The following ACAP2 variants were observed in gnomAD, a reference collection of about 807,000 sequenced individuals.
The protein encoded by ACAP2 is ArfGAP with coiled-coil, ankyrin repeat and PH domains 2, also known as arf-GAP with coiled-coil, ANK repeat and PH domain-containing protein 2.
A neutral mutation model predicts 115.8 loss-of-function variants in ACAP2; 39 were observed. The ratio of observed to expected loss-of-function variants is 0.34; its 90% CI spans 0.26 to 0.44. The LOEUF is 0.44. Among genes scored for constraint, ACAP2 ranks in the 20% least tolerant of loss-of-function variants. The pLI is 1.00. For missense variants in ACAP2, 662 were observed against 927.6 expected, an observed-to-expected ratio of 0.71 and a Z score of 3.72; for synonymous variants, 289 against 315.8, an observed-to-expected ratio of 0.92 and a Z score of 0.90.
At chr3:195,388,518 C>T (rs749366015) in intron 2 of ACAP2, among the ~76,000 whole-genome samples, 1 of 152,188 alleles carries the variant, frequency 6.6e-6, no homozygotes, top group Non-Finnish European at 1.5e-5. Context: ...CTAGTTTAAC[C>T]TGTCCCTGGC....
At chr3:195,323,111 A>T (rs1729555418) in intron 9 of ACAP2, among the ~76,000 whole-genome samples, 1 of 152,204 alleles carries the variant, frequency 6.6e-6, no homozygotes, top group Admixed American at 6.5e-5. Flanking sequence ...CAGGGAACAG[A>T]ATGCAAAACC....
At chr3:195,413,664 G>A (rs1259341118) in intron 1 of ACAP2, among the ~76,000 whole-genome samples, 3 of 152,074 alleles carry the variant, frequency 2.0e-5, no homozygotes, top group African/African-American at 2.4e-5. Context: ...ACGGAGAATC[G>A]CTTGAACCCA....
At chr3:195,431,144 C>T (rs1715083745) in intron 1 of ACAP2, among the ~76,000 whole-genome samples, 1 of 152,130 alleles carries the variant, frequency 6.6e-6, no homozygotes, top group African/African-American at 2.4e-5. Context: ...TAATATATGG[C>T]TTTTGTGTTT....
intron 4 of ACAP2, among the ~76,000 whole-genome samples, chr3:195,365,623 G>T (rs574100660): frequency 6.6e-6 from 1 of 151,656 alleles, no homozygotes; most frequent in African/African-American, 2.4e-5. Flanking sequence ...CTCTTCTGAT[G>T]ATTCTCCATG....
chr3:195,291,240 CAAT>C (rs1727236583), intron 20 of ACAP2, among the ~76,000 whole-genome samples: 1 of 152,150 alleles, frequency 6.6e-6, no homozygotes, highest in Non-Finnish European at 1.5e-5. Flanking sequence ...CCAGAAGACA[CAAT>C]GTCAACAACC....
chr3:195,426,628 G>T (rs931406623), intron 1 of ACAP2, among the ~76,000 whole-genome samples: 5 of 152,046 alleles, frequency 3.3e-5, no homozygotes, highest in African/African-American at 7.2e-5. Context: ...TTCCTGGCTA[G>T]TTCTACTCTT....
At chr3:195,419,103 T>C (rs1392371528) in intron 1 of ACAP2, among the ~76,000 whole-genome samples, 1 of 152,088 alleles carries the variant, frequency 6.6e-6, no homozygotes, top group East Asian at 1.9e-4. Context: ...TCAAATACCA[T>C]ACCCATTTGA....
At chr3:195,302,936 G>A (rs188438307) in intron 13 of ACAP2, among the ~76,000 whole-genome samples, 2 of 152,086 alleles carry the variant, frequency 1.3e-5, no homozygotes, top group Non-Finnish European at 2.9e-5. Flanking sequence ...GAATATGTCT[G>A]GGCACAATGG....
chr3:195,299,392 A>C (rs1727872173), intron 15 of ACAP2, among the ~76,000 whole-genome samples: 1 of 147,906 alleles, frequency 6.8e-6, no homozygotes. Flanking sequence ...CAACATGGCA[A>C]TACCCCGTCT....
chr3:195,304,509 C>T (rs1728295083), intron 13 of ACAP2, among the ~76,000 whole-genome samples: 1 of 152,146 alleles, frequency 6.6e-6, no homozygotes, highest in Admixed American at 6.5e-5. Flanking sequence ...ATCCTACTGT[C>T]GCTGCCCCCC....
chr3:195,278,979 T>C lies in ACAP2; in HGVS notation c.*349A>G, dbSNP rs1384975640. On this transcript the variant is annotated 3_prime_UTR_variant, in exon 23 of 23. Coordinates refer to ENST00000326793, the MANE Select transcript of ACAP2 (RefSeq NM_012287.6). ...CTTGACTGAGTGATCCTGGGCAAGA[T>C]GCATGGAGGAAAAAAATCAATGCCA... 4.6e-5 allele frequency: 8 copies of C among 173,602 alleles called. No homozygotes were observed. Among genetic ancestry groups the C allele is most frequent in the Non-Finnish European group, 9.7e-5 (8 of 82,262 alleles). 10.8% of individuals were successfully genotyped at this position (173,602 alleles called of 1,614,324 possible). A position where few individuals can be genotyped will look rare whatever the true frequency, so the allele number is the denominator to read the frequency against.
rs763769015 is a variant in ACAP2 at position 195,392,162 on chromosome 3, TATAAA to T, written c.54-20_54-16del. The T allele has an allele frequency of 1.2e-5, 20 of 1,600,352 alleles. No homozygotes were observed. Among genetic ancestry groups the T allele is most frequent in the South Asian group, 3.3e-5 (3 of 89,936 alleles). ...CCAAAGCTGCCCTAGAAAAATTAAA[TATAAA>T]ATAAGTTATTTCGTTTGTTTAAATG... On this transcript the variant is annotated splice_polypyrimidine_tract_variant and intron_variant, in intron 1 of 22. Coordinates refer to ENST00000326793, the MANE Select transcript of ACAP2 (RefSeq NM_012287.6).
At chr3:195,353,188 C>G (rs1480369225) in intron 4 of ACAP2, among the ~76,000 whole-genome samples, 1 of 152,096 alleles carries the variant, frequency 6.6e-6, no homozygotes, top group Non-Finnish European at 1.5e-5. Flanking sequence ...ACTCAAGCAT[C>G]CCTGCAAAGA....
intron 4 of ACAP2, among the ~76,000 whole-genome samples, chr3:195,359,395 C>T (rs1340075014): frequency 6.6e-6 from 1 of 152,138 alleles, no homozygotes; most frequent in African/African-American, 2.4e-5. Flanking sequence ...TCAACAGAGA[C>T]AATACAATAA....
At chr3:195,396,738 GA>G (rs1244325720) in intron 1 of ACAP2, among the ~76,000 whole-genome samples, 1 of 122,462 alleles carries the variant, frequency 8.2e-6, no homozygotes, top group East Asian at 2.8e-4. Flanking sequence ...AGTGAGCCAA[GA>G]TTGCATCACT....
rs531638461 is a variant in ACAP2 at position 195,282,579 on chromosome 3, A to G, written c.2237-3151T>C. ...TTTTTAATATTTAAATATAATTTTG[A>G]TTACTTAGAATTTTTCCCAAGGCAA... On this transcript the variant is annotated intron_variant, in intron 22 of 22. Transcript: ENST00000326793. 7 of 152,328 alleles carry G rather than the reference A, an allele frequency of 4.6e-5. No homozygotes were observed. The South Asian group carries it at 1.4e-3, about 32-fold the overall frequency. The allele number at this position is 152,328 out of a possible 1,614,324, so 9.4% of individuals were successfully genotyped here.
At chr3:195,359,039 T>C (rs1732174308) in intron 4 of ACAP2, among the ~76,000 whole-genome samples, 1 of 152,100 alleles carries the variant, frequency 6.6e-6, no homozygotes, top group African/African-American at 2.4e-5. Context: ...ATATTTAAAG[T>C]GCTGGCAAAA....
At chr3:195,289,392 A>C (rs1170380312) in intron 20 of ACAP2, among the ~76,000 whole-genome samples, 161 bp from the exon 21 acceptor site, 1 of 152,192 alleles carries the variant, frequency 6.6e-6, no homozygotes, top group East Asian at 1.9e-4. Flanking sequence ...ACAAAAACTT[A>C]CCAAGATCAA....
intron 18 of ACAP2, among the ~76,000 whole-genome samples, chr3:195,294,366 T>G (rs1269797438): frequency 6.6e-6 from 1 of 151,220 alleles, no homozygotes; most frequent in Non-Finnish European, 1.5e-5. Flanking sequence ...GATCACAAGG[T>G]CAGGAGTTCG....
Sources: gnomAD v4.1 joint callset for allele counts (sites outside exome capture counted in the v4.1 genomes callset) on GRCh38, gnomAD v4.1.1 for gene constraint, MANE v1.5 for transcripts, NCBI Gene and HGNC (gene_info 2026-07-23, HGNC 2026-07-21) for gene names.